BTBD10: variants seen among roughly 807,000 people sequenced by gnomAD.
The protein encoded by BTBD10 is BTB domain containing 10, also known as BTB/POZ domain-containing protein 10.
BTBD10 carries 21 observed loss-of-function variants against 53.2 expected under a neutral mutation model. The ratio of observed to expected loss-of-function variants is 0.39; its 90% confidence interval spans 0.28 to 0.57. The LOEUF (loss-of-function observed/expected upper bound fraction) is 0.57. Among genes scored for constraint, BTBD10 ranks in the 20% least tolerant of loss-of-function variants. The pLI, the probability that BTBD10 is intolerant of heterozygous loss-of-function variation, is 0.53. For missense variants in BTBD10, 360 were observed against 594.7 expected (o/e 0.61, Z 4.10); for synonymous variants, 149 against 192.7 (o/e 0.77, Z 1.88).
intron 3 of BTBD10, among the ~76,000 whole-genome samples, chr11:13,420,638 T>A (rs1950225448): frequency 6.6e-6 from 1 of 152,140 alleles, no homozygotes; most frequent in Non-Finnish European, 1.5e-5. Flanking sequence ...AATTCCTCTA[T>A]GACTCAAACT....
At chr11:13,432,461 T>C (rs1950466624) in intron 2 of BTBD10, among the ~76,000 whole-genome samples, 1 of 152,174 alleles carries the variant, frequency 6.6e-6, no homozygotes, top group Non-Finnish European at 1.5e-5. Context: ...ATGTAAGATG[T>C]TATCATTGAA....
At chr11:13,404,540 C>T in intron 7 of BTBD10, 2 of 893,880 alleles carry the variant, frequency 2.2e-6, no homozygotes, top group Non-Finnish European at 2.7e-6. Context: ...TTTTCCTTAA[C>T]AGAAAATAAT....
intron 1 of BTBD10, among the ~76,000 whole-genome samples, chr11:13,450,639 T>C (rs1950839942): frequency 6.6e-6 from 1 of 152,180 alleles, no homozygotes; most frequent in African/African-American, 2.4e-5. Flanking sequence ...AACTGAACAG[T>C]CATTTTTAGC....
chr11:13,416,634 A>C (rs749317280), intron 5 of BTBD10, among the ~76,000 whole-genome samples: 17 of 152,142 alleles, frequency 1.1e-4, no homozygotes, highest in Admixed American at 6.5e-5. Flanking sequence ...TATCATCCTG[A>C]AGGTCATAAA....
chr11:13,423,446 G>A (rs1950280679), intron 2 of BTBD10, among the ~76,000 whole-genome samples: 1 of 152,136 alleles, frequency 6.6e-6, no homozygotes, highest in African/African-American at 2.4e-5. Context: ...TACCTGGCAC[G>A]ACATAATTAC....
chr11:13,436,350 C>T (rs1416108825), intron 2 of BTBD10, among the ~76,000 whole-genome samples: 2 of 152,160 alleles, frequency 1.3e-5, no homozygotes, highest in African/African-American at 4.8e-5. Context: ...TAGCCTCCAT[C>T]CACCAGTATG....
intron 2 of BTBD10, among the ~76,000 whole-genome samples, chr11:13,429,736 T>C (rs1197114770): frequency 6.6e-6 from 1 of 152,038 alleles, no homozygotes; most frequent in Non-Finnish European, 1.5e-5. Context: ...AAAAGCCTAA[T>C]GCATAAAAGA....
intron 2 of BTBD10, among the ~76,000 whole-genome samples, chr11:13,440,509 G>A (rs1562436): frequency 0.47 from 71,341 of 152,084 alleles, 17,732 homozygotes; most frequent in South Asian, 0.62. Flanking sequence ...ATTCTGGGCA[G>A]TAAAGCTCTT....
At chr11:13,439,280 A>G (rs1950603131) in intron 2 of BTBD10, among the ~76,000 whole-genome samples, 1 of 152,084 alleles carries the variant, frequency 6.6e-6, no homozygotes, top group South Asian at 2.1e-4. Flanking sequence ...AAAAACCATT[A>G]TCCTTATTTA....
intron 2 of BTBD10, among the ~76,000 whole-genome samples, chr11:13,441,636 G>A (rs974537773): frequency 6.6e-6 from 1 of 151,784 alleles, no homozygotes; most frequent in Non-Finnish European, 1.5e-5. Context: ...TTTTATCCTA[G>A]CCAGCAAGGA....
At chr11:13,447,455 C>G (rs922917763) in intron 1 of BTBD10, among the ~76,000 whole-genome samples, 1 of 152,170 alleles carries the variant, frequency 6.6e-6, no homozygotes, top group Non-Finnish European at 1.5e-5. Flanking sequence ...CTATCAGATA[C>G]TCTTCTGAAT....
In BTBD10 at chr11:13,448,275, G is replaced by A. The variant is rs1591168610; in HGVS notation, c.-57-3094C>T. On this transcript the variant is annotated intron_variant, in intron 1 of 8. Coordinates refer to ENST00000278174, the MANE Select transcript of BTBD10 (RefSeq NM_032320.7). Reference sequence around the variant, plus strand: ...GGAGCACTTCTATTCAAGTTGTACTGTTGCCTCATCCTTCACCCTCATTAA... The same window carrying A: ...GGAGCACTTCTATTCAAGTTGTACTATTGCCTCATCCTTCACCCTCATTAA... Among the ~76,000 whole-genome samples, 3 of 152,086 alleles carry A rather than the reference G, an allele frequency of 2.0e-5. No homozygotes were observed. The South Asian group carries it at 6.2e-4, about 32-fold the overall frequency.
chr11:13,453,344 T>A (rs1407380316), intron 1 of BTBD10, among the ~76,000 whole-genome samples: 2 of 152,212 alleles, frequency 1.3e-5, no homozygotes, highest in Middle Eastern at 3.4e-3. Context: ...TCCATGCTTG[T>A]ATATGTTAAG....
intron 3 of BTBD10, among the ~76,000 whole-genome samples, 192 bp from the exon 4 acceptor site, chr11:13,419,937 C>G (rs530060407): frequency 6.6e-6 from 1 of 152,096 alleles, no homozygotes; most frequent in African/African-American, 2.4e-5. Context: ...CCCAAAACAT[C>G]AAAATGCTTT....
At chr11:13,416,896 G>T (rs1011682042) in intron 5 of BTBD10, among the ~76,000 whole-genome samples, 1 of 152,046 alleles carries the variant, frequency 6.6e-6, no homozygotes, top group Non-Finnish European at 1.5e-5. Context: ...GTGGCAGGAG[G>T]ATTGCTTGAG....
chr11:13,426,552 A>AT (rs1337190593), intron 2 of BTBD10, among the ~76,000 whole-genome samples: 1 of 152,198 alleles, frequency 6.6e-6, no homozygotes, highest in African/African-American at 2.4e-5. Flanking sequence ...ACATATACAT[A>AT]TAACTAGAGT....
chr11:13,388,479 T>C lies in BTBD10; in HGVS notation c.*352A>G, dbSNP rs1949313679. 3 of 199,274 alleles carry C rather than the reference T, an allele frequency of 1.5e-5. No individual in the cohort carries two copies. The South Asian group carries it at 3.7e-4, about 25-fold the overall frequency. 12.3% of individuals were successfully genotyped at this position (199,274 alleles called of 1,614,324 possible). On this transcript the variant is annotated 3_prime_UTR_variant, in exon 9 of 9. Transcript: ENST00000278174. ...ACTATATATTACTCTGCATTTTATC[T>C]GAGGTGTGATGAATATCAGTCCAAA...
intron 2 of BTBD10, among the ~76,000 whole-genome samples, chr11:13,422,330 AT>A (rs72189901): frequency 0.034 from 5,180 of 151,130 alleles, 287 homozygotes; most frequent in African/African-American, 0.12. Context: ...AAACACTATG[AT>A]TTTTTTTTTA....
chr11:13,402,641 AAAGT>A (rs1326686204), intron 8 of BTBD10, among the ~76,000 whole-genome samples: 4 of 152,214 alleles, frequency 2.6e-5, no homozygotes, highest in African/African-American at 9.6e-5. Context: ...TTTAATTCAT[AAAGT>A]AAGCTATCTA....
Sources: gnomAD v4.1 joint callset for allele counts (sites outside exome capture counted in the v4.1 genomes callset) on GRCh38, gnomAD v4.1.1 for gene constraint, MANE v1.5 for transcripts, NCBI Gene and HGNC (gene_info 2026-07-23, HGNC 2026-07-21) for gene names.